The following KIF24 variants were observed in gnomAD, a reference collection of about 807,000 sequenced individuals.
KIF24 encodes kinesin family member 24, also known as kinesin-like protein KIF24.
In KIF24, 81 loss-of-function variants were observed where a neutral mutation model predicts 118.9. The observed-to-expected ratio is 0.68, with a 90% CI of 0.57 to 0.82. The LOEUF (loss-of-function observed/expected upper bound fraction) is 0.82, where lower values mean the gene tolerates loss of function less well. Ranked by LOEUF, KIF24 falls within the 40% of genes least tolerant of loss-of-function variation. The pLI, the probability that KIF24 is intolerant of heterozygous loss-of-function variation, is 0.00. For missense variants in KIF24, 1,560 were observed against 1,661.6 expected, an observed-to-expected ratio of 0.94 and a Z score of 1.06; for synonymous variants, 599 against 610.0, an observed-to-expected ratio of 0.98 and a Z score of 0.27.
chr9:34,324,411 T>A (rs1335900855), intron 1 of KIF24, among the ~76,000 whole-genome samples: 1 of 152,166 alleles, frequency 6.6e-6, no homozygotes, highest in East Asian at 1.9e-4. Flanking sequence ...ATCCCAAAAC[T>A]AATCAATAGA....
chr9:34,310,001 A>G (rs908008310), intron 2 of KIF24, among the ~76,000 whole-genome samples: 4 of 150,976 alleles, frequency 2.6e-5, no homozygotes, highest in East Asian at 1.9e-4. Context: ...TTAAAAGAAC[A>G]TATTTCCTAT....
At chr9:34,296,440 G>A (rs1455970018) in intron 4 of KIF24, among the ~76,000 whole-genome samples, 6 of 151,404 alleles carry the variant, frequency 4.0e-5, no homozygotes, top group Non-Finnish European at 8.8e-5. Context: ...GGCAGGCTGA[G>A]GTAGGAGAAT....
chr9:34,318,901 G>A lies in KIF24; in HGVS notation c.-25-7530C>T. 2.5e-6 allele frequency: 4 copies of A among 1,592,096 alleles called. No individual in the cohort carries two copies. The highest frequency in any genetic ancestry group is 2.6e-6 in the Non-Finnish European group (3 of 1,164,898). ...ACTCCAAGATCAATTTCCATGACAA[G>A]CGCAGTGCGCTGCAGTCCATCCACG... On this transcript the variant is annotated intron_variant, in intron 1 of 12. Coordinates refer to ENST00000402558, the MANE Select transcript of KIF24 (RefSeq NM_194313.4). This position sits in a 1 kb window ranked among gnomAD's most constrained non-coding sequence, Gnocchi z 4.9.
chr9:34,296,957 A>G, intron 4 of KIF24, 60 bp downstream of exon 4: 3 of 792,180 alleles, frequency 3.8e-6, no homozygotes, highest in Non-Finnish European at 6.2e-6. Context: ...TTATAAAGAA[A>G]TATGGCCTAA....
At chr9:34,329,491 T>G (rs573639422), upstream of KIF24, 2 of 152,376 alleles carry the variant, frequency 1.3e-5, no homozygotes, top group East Asian at 1.9e-4. Context: ...GGGTCGAAGA[T>G]CCTTCTGCCG....
intron 6 of KIF24, among the ~76,000 whole-genome samples, chr9:34,280,035 A>C (rs1345858876): frequency 1.3e-5 from 2 of 152,074 alleles, no homozygotes; most frequent in African/African-American, 4.8e-5. Context: ...CTGTAATCCC[A>C]GCACTTTGGG....
intron 6 of KIF24, among the ~76,000 whole-genome samples, chr9:34,273,279 G>A (rs1236195268): frequency 1.3e-5 from 2 of 150,924 alleles, no homozygotes; most frequent in East Asian, 1.9e-4. Flanking sequence ...TCCCACCTCG[G>A]CCTCCCAAAA....
chr9:34,308,328 G>C (rs1176326160), intron 2 of KIF24, among the ~76,000 whole-genome samples: 1 of 149,688 alleles, frequency 6.7e-6, no homozygotes, highest in African/African-American at 2.4e-5. Context: ...GTGTCACCCA[G>C]GCTGGAGTGC....
At position 34,255,856 on chromosome 9, in the gene KIF24, C is replaced by T. The variant is rs1216854682; in HGVS notation, c.3751G>A (p.Val1251Ile). Residue 1251 changes from valine (V) to isoleucine (I), a missense_variant, in exon 11 of 13, where the codon GTC (valine) becomes ATC (isoleucine). Physicochemically the swap from Val to Ile is conservative, Grantham distance 29. This residue lies in a region of KIF24 where 591 missense variants were observed against 655.6 expected (regional missense o/e 0.90). Coordinates refer to ENST00000402558, the MANE Select transcript of KIF24 (RefSeq NM_194313.4). ...PIKLPCNSEN[V>I]TWLKPRPISR... ...ATCGGCCTGGGTTTGAGCCATGTGA[C>T]ATTTTCACTGTTGCAGGGCAACTTG... 1.2e-6 allele frequency: 2 copies of T among 1,614,038 alleles called. No homozygotes were observed. Among genetic ancestry groups the T allele is most frequent in the South Asian group, 1.1e-5 (1 of 91,080 alleles).
chr9:34,316,006 G>A (rs1055461989), intron 1 of KIF24, among the ~76,000 whole-genome samples: 1 of 151,036 alleles, frequency 6.6e-6, no homozygotes, highest in Non-Finnish European at 1.5e-5. Flanking sequence ...TCCAACCTGG[G>A]TGACAGAGCA....
At chr9:34,272,774 C>T (rs1388829821) in intron 6 of KIF24, among the ~76,000 whole-genome samples, 2 of 152,056 alleles carry the variant, frequency 1.3e-5, no homozygotes, top group Admixed American at 6.6e-5. Flanking sequence ...AGGTGTGCAT[C>T]GCCACACCTG....
intron 6 of KIF24, among the ~76,000 whole-genome samples, chr9:34,284,062 A>C (rs1016572630): frequency 1.3e-5 from 2 of 151,796 alleles, no homozygotes; most frequent in African/African-American, 4.8e-5. Context: ...GAGCCCAGGA[A>C]CTTGAGACCA....
At chr9:34,297,751 G>A (rs1033274615) in intron 3 of KIF24, among the ~76,000 whole-genome samples, 6 of 139,292 alleles carry the variant, frequency 4.3e-5, no homozygotes, top group Non-Finnish European at 6.3e-5. Flanking sequence ...GACAGAGCGA[G>A]ATTCCATTTA....
At chr9:34,306,976 A>G (rs189745736) in intron 2 of KIF24, among the ~76,000 whole-genome samples, 2,034 of 152,264 alleles carry the variant, frequency 0.013, 25 homozygotes, top group Admixed American at 0.034. Context: ...ACCAACCAAC[A>G]AACAAAAAAC....
At position 34,255,158 on chromosome 9, in the gene KIF24, C is replaced by A; in HGVS notation, c.3880G>T (p.Val1294Phe). 6.3e-7 allele frequency: 1 copy of A among 1,575,814 alleles called. No homozygotes were observed. The highest frequency in any genetic ancestry group is 8.6e-7 in the Non-Finnish European group (1 of 1,158,454). ...AGCTGTTCCTGGTGTGCTCGGATGA[C>A]CACCTGCCTGGGAACACCAGAGAGA... Reference protein sequence around the residue: ...QPTLEQAQQVVIRAHQEQLDE... With the variant: ...QPTLEQAQQVFIRAHQEQLDE... The change falls in exon 12 of 13, where the codon GTC (valine) becomes TTC (phenylalanine). Residue 1294 changes from valine (V) to phenylalanine (F), a missense_variant. Around this residue, in one of 3 missense-constraint regions of KIF24, gnomAD observed 591 missense variants for 655.6 expected, o/e 0.90. Transcript: ENST00000402558.
rs957918961 is a variant in KIF24, at chr9:34,256,865, C to G, written c.2742G>C (p.Lys914Asn). The part of the protein sequence containing the change: ...AALDHSCSPS[K>N]GPVDWSRENS... Reference sequence around the variant, plus strand: ...TCTCTCTGCTCCAGTCCACGGGCCCCTTACTTGGGCTGCAGCTGTGATCGA... The same window carrying G: ...TCTCTCTGCTCCAGTCCACGGGCCCGTTACTTGGGCTGCAGCTGTGATCGA... The change falls in exon 11 of 13, where the codon AAG becomes AAC. Residue 914 changes from lysine to asparagine, a missense_variant. Lys to Asn is a moderately conservative substitution (Grantham distance 94). Around this residue, in one of 3 missense-constraint regions of KIF24, gnomAD observed 591 missense variants for 655.6 expected, o/e 0.90. Coordinates refer to ENST00000402558, the MANE Select transcript of KIF24 (RefSeq NM_194313.4). 1.2e-6 allele frequency: 2 copies of G among 1,614,002 alleles called. No individual in the cohort carries two copies. The highest frequency in any genetic ancestry group is 1.7e-6 in the Non-Finnish European group (2 of 1,179,892).
At position 34,310,945 on chromosome 9, in the gene KIF24, T is replaced by C. The variant is rs1012138174; in HGVS notation, c.402A>G (p.Leu134=). 17 of 1,613,956 alleles carry C rather than the reference T, an allele frequency of 1.1e-5. No individual in the cohort carries two copies. Among genetic ancestry groups the C allele is most frequent in the Non-Finnish European group, 1.4e-5 (16 of 1,179,846 alleles). Residue 134 remains leucine, a synonymous_variant, in exon 2 of 13, where the codon CTA becomes CTG. Coordinates refer to ENST00000402558, the MANE Select transcript of KIF24 (RefSeq NM_194313.4). ...FSANEQKSTY[L]KVLEHMLPDD... ...CTGGTAGCATGTGTTCTAGCACTTT[T>C]AGGTAAGTGGACTTCTGTTCATTTG...
intron 2 of KIF24, among the ~76,000 whole-genome samples, chr9:34,308,842 A>C (rs1587963375): frequency 6.6e-6 from 1 of 152,166 alleles, no homozygotes; most frequent in South Asian, 2.1e-4. Flanking sequence ...TGCTTTGGGA[A>C]GCTGAGGTGG....
chr9:34,324,786 G>A (rs1459826879), intron 1 of KIF24, among the ~76,000 whole-genome samples: 1 of 151,950 alleles, frequency 6.6e-6, no homozygotes, highest in African/African-American at 2.4e-5. Context: ...ATTTCTCTGT[G>A]CATTCATTCA....
Sources: gnomAD v4.1 joint callset for allele counts (sites outside exome capture counted in the v4.1 genomes callset) on GRCh38, gnomAD v4.1.1 for gene constraint, gnomAD v4.1.1 regional missense constraint, Gnocchi (gnomAD v3.1) non-coding constraint, MANE v1.5 for transcripts, NCBI Gene and HGNC (gene_info 2026-07-23, HGNC 2026-07-21) for gene names.